Variants in SPOCK1 observed in about 807,000 individuals in gnomAD.
SPOCK1 encodes the protein testican-1.
In SPOCK1, 23 loss-of-function variants were observed where a neutral mutation model predicts 55.3. That is an observed-to-expected ratio of 0.42 (90% CI 0.30 to 0.59). The LOEUF (loss-of-function observed/expected upper bound fraction) is 0.59, where lower values mean the gene tolerates loss of function less well. SPOCK1 is among the 20% of genes least tolerant of loss of function. SPOCK1 has a pLI of 0.22. For synonymous variants in SPOCK1, 226 were observed against 221.0 expected (o/e 1.02, Z -0.20); for missense variants, 499 against 552.5 (o/e 0.90, Z 0.97).
intron 3 of SPOCK1, among the ~76,000 whole-genome samples, chr5:137,186,283 G>A (rs1755068223): frequency 6.6e-6 from 1 of 152,242 alleles, no homozygotes; most frequent in African/African-American, 2.4e-5. Context: ...TGATCACAGA[G>A]ATATGCTAAG....
intron 4 of SPOCK1, among the ~76,000 whole-genome samples, chr5:137,124,674 C>A (rs1471016655): frequency 6.6e-6 from 1 of 152,164 alleles, no homozygotes; most frequent in Non-Finnish European, 1.5e-5. Flanking sequence ...TTCCTTAAGG[C>A]AGATCCAAGG....
rs192487639 is a variant in SPOCK1, at chr5:137,171,722, G to T, written c.233-31028C>A. On this transcript the variant is annotated intron_variant, in intron 3 of 10. Coordinates refer to ENST00000394945, the MANE Select transcript of SPOCK1 (RefSeq NM_004598.4). Reference sequence around the variant, plus strand: ...GGCACACGGTATGCATTCAATGACCGTTTTTTGACCTGCAGAACTCGTTTC... The same window carrying T: ...GGCACACGGTATGCATTCAATGACCTTTTTTTGACCTGCAGAACTCGTTTC... 3.9e-5 allele frequency among the ~76,000 whole-genome samples: 6 copies of T among 152,274 alleles called. No individual in the cohort carries two copies. The South Asian group carries it at 8.3e-4, about 21-fold the overall frequency.
intron 2 of SPOCK1, among the ~76,000 whole-genome samples, chr5:137,419,585 T>A (rs1205305237): frequency 6.6e-6 from 1 of 152,228 alleles, no homozygotes. Flanking sequence ...AGTTCACTCA[T>A]GATTTGGCTC....
At chr5:137,440,071 A>G (rs549834572) in intron 2 of SPOCK1, among the ~76,000 whole-genome samples, 1 of 152,106 alleles carries the variant, frequency 6.6e-6, no homozygotes, top group South Asian at 2.1e-4. Flanking sequence ...GGAGAAAAAA[A>G]GACTCTGCAG....
chr5:137,010,379 C>T (rs758914592), intron 6 of SPOCK1, among the ~76,000 whole-genome samples: 4 of 151,890 alleles, frequency 2.6e-5, no homozygotes, highest in Non-Finnish European at 4.4e-5. Flanking sequence ...ATAGAGCCAC[C>T]ATGGAGAGGG....
chr5:137,343,974 C>G (rs1750497808), intron 2 of SPOCK1, among the ~76,000 whole-genome samples: 1 of 152,210 alleles, frequency 6.6e-6, no homozygotes. Flanking sequence ...GGCTAGGGTC[C>G]ACAGGAATGC....
intron 2 of SPOCK1, among the ~76,000 whole-genome samples, chr5:137,287,558 G>A (rs1235419486): frequency 6.6e-6 from 1 of 152,194 alleles, no homozygotes; most frequent in Non-Finnish European, 1.5e-5. Context: ...TTAACAAATG[G>A]AAGAAACTAC....
chr5:136,998,150 A>C (rs1465578432), intron 6 of SPOCK1, among the ~76,000 whole-genome samples: 1 of 152,242 alleles, frequency 6.6e-6, no homozygotes, highest in Non-Finnish European at 1.5e-5. Flanking sequence ...AACTGTCTGC[A>C]TAATATGTTA....
intron 2 of SPOCK1, among the ~76,000 whole-genome samples, chr5:137,498,077 G>A (rs926778159): frequency 4.6e-5 from 7 of 152,120 alleles, no homozygotes; most frequent in Non-Finnish European, 7.4e-5. Context: ...ACAGCTACTG[G>A]TGATCTGTGC....
At chr5:137,311,073 C>T (rs1757781903) in intron 2 of SPOCK1, among the ~76,000 whole-genome samples, 1 of 152,216 alleles carries the variant, frequency 6.6e-6, no homozygotes, top group Admixed American at 6.5e-5. Flanking sequence ...TCTTAAAAAG[C>T]ACATTTCCAA....
At chr5:137,271,290 G>A (rs1230072896) in intron 2 of SPOCK1, among the ~76,000 whole-genome samples, 3 of 150,908 alleles carry the variant, frequency 2.0e-5, no homozygotes, top group Non-Finnish European at 4.4e-5. Context: ...TGGTGCAAAG[G>A]AATTTAACTA....
chr5:137,336,754 T>G (rs754470888), intron 2 of SPOCK1, among the ~76,000 whole-genome samples: 2 of 152,224 alleles, frequency 1.3e-5, no homozygotes, highest in Non-Finnish European at 2.9e-5. Context: ...ATAAAGAACC[T>G]ACAAAATAAA....
intron 3 of SPOCK1, among the ~76,000 whole-genome samples, chr5:137,150,210 T>G (rs758100365): frequency 6.6e-5 from 10 of 152,066 alleles, no homozygotes; most frequent in Non-Finnish European, 1.2e-4. Flanking sequence ...AAGCATGGGG[T>G]CCACTTTGTC....
At chr5:136,999,463 A>C (rs1317210356) in intron 6 of SPOCK1, among the ~76,000 whole-genome samples, 1 of 152,058 alleles carries the variant, frequency 6.6e-6, no homozygotes, top group Non-Finnish European at 1.5e-5. Context: ...AAGTTTCAAA[A>C]CAGGTAATGG....
chr5:137,270,238 T>C (rs1052718508), intron 2 of SPOCK1, among the ~76,000 whole-genome samples: 1 of 152,238 alleles, frequency 6.6e-6, no homozygotes, highest in Admixed American at 6.5e-5. Context: ...CATATCTATC[T>C]GAGTTAGCCT....
intron 3 of SPOCK1, among the ~76,000 whole-genome samples, chr5:137,143,006 T>C (rs909160306): frequency 6.6e-6 from 1 of 152,172 alleles, no homozygotes; most frequent in African/African-American, 2.4e-5. Context: ...TCCAATGGCG[T>C]TTCTGCTGCT....
intron 2 of SPOCK1, among the ~76,000 whole-genome samples, chr5:137,401,879 C>G (rs1751991219): frequency 2.0e-5 from 3 of 152,246 alleles, no homozygotes. Context: ...TTCTCTCTCA[C>G]CCACCTCTCC....
At chr5:137,097,182 G>A (rs1051382914) in intron 5 of SPOCK1, among the ~76,000 whole-genome samples, 7 of 152,162 alleles carry the variant, frequency 4.6e-5, no homozygotes, top group Admixed American at 6.5e-5. Context: ...GGGAAGTGAA[G>A]CTGGCCACTG....
Position 137,207,390 on chromosome 5 carries a change from G to A in SPOCK1, c.232+59620C>T, listed in dbSNP as rs1755537958. ...TTAGTATTATGTAGTAGAAGGGATG[G>A]TGAATAAATGATTTACAGGTGCACA... is the stretch of plus-strand genomic sequence containing the variant. On this transcript the variant is annotated intron_variant, in intron 3 of 10. Coordinates refer to ENST00000394945, the MANE Select transcript of SPOCK1 (RefSeq NM_004598.4). 2.0e-5 allele frequency among the ~76,000 whole-genome samples: 3 copies of A among 152,366 alleles called. No individual in the cohort carries two copies. The South Asian group carries it at 6.2e-4, about 32-fold the overall frequency.
Sources: gnomAD v4.1 joint callset for allele counts (sites outside exome capture counted in the v4.1 genomes callset) on GRCh38, gnomAD v4.1.1 for gene constraint, MANE v1.5 for transcripts, NCBI Gene and HGNC (gene_info 2026-07-23, HGNC 2026-07-21) for gene names.